Variants in PRKN observed in about 807,000 individuals in gnomAD.
The protein encoded by PRKN is E3 ubiquitin-protein ligase parkin.
In PRKN, 56 loss-of-function variants were observed where a neutral mutation model predicts 59.5. The ratio of observed to expected loss-of-function variants is 0.94; its 90% CI spans 0.76 to 1.18. PRKN has a LOEUF of 1.18. Ranked by LOEUF, PRKN falls within the 50% of genes most tolerant of loss-of-function variation. PRKN has a pLI of 0.00. For missense variants in PRKN, 657 were observed against 596.4 expected (o/e 1.10, Z -1.06); for synonymous variants, 250 against 222.1 (o/e 1.13, Z -1.12).
intron 4 of PRKN, among the ~76,000 whole-genome samples, chr6:162,190,374 G>GA (rs1360493846): frequency 6.6e-6 from 1 of 152,150 alleles, no homozygotes; most frequent in East Asian, 1.9e-4. Flanking sequence ...AGAGTCCAGT[G>GA]AATTTTACTC....
chr6:162,554,864 G>T (rs1402291513), intron 1 of PRKN, among the ~76,000 whole-genome samples: 1 of 152,152 alleles, frequency 6.6e-6, no homozygotes. Context: ...GTGATTGTGG[G>T]AAAAATTCCA....
intron 9 of PRKN, among the ~76,000 whole-genome samples, chr6:161,493,982 G>A (rs1777651648): frequency 6.6e-6 from 1 of 152,170 alleles, no homozygotes; most frequent in African/African-American, 2.4e-5. Context: ...GCCGTTTCCA[G>A]CAATGTTAAC....
At chr6:162,620,661 A>T (rs1426603940) in intron 1 of PRKN, among the ~76,000 whole-genome samples, 1 of 152,136 alleles carries the variant, frequency 6.6e-6, no homozygotes, top group South Asian at 2.1e-4. Context: ...CTTCTCCTGT[A>T]TATCATCCTT....
chr6:162,337,209 T>G (rs997394618), intron 2 of PRKN, among the ~76,000 whole-genome samples: 1 of 152,214 alleles, frequency 6.6e-6, no homozygotes, highest in Non-Finnish European at 1.5e-5. Flanking sequence ...TGAATCTGCC[T>G]AATTAAGCAA....
chr6:162,470,457 A>G (rs1404394682), intron 1 of PRKN, among the ~76,000 whole-genome samples: 1 of 152,056 alleles, frequency 6.6e-6, no homozygotes, highest in African/African-American at 2.4e-5. Context: ...TACAACAATT[A>G]GCCAGGCGTG....
At chr6:161,998,158 C>T (rs928889584) in intron 5 of PRKN, among the ~76,000 whole-genome samples, 1 of 152,014 alleles carries the variant, frequency 6.6e-6, no homozygotes, top group Non-Finnish European at 1.5e-5. Context: ...GATTTCCCAT[C>T]TAAGATTTAG....
chr6:161,497,943 T>C lies in PRKN; in HGVS notation c.1083+50911A>G, dbSNP rs1417355692. 2.0e-5 allele frequency among the ~76,000 whole-genome samples: 3 copies of C among 152,236 alleles called. No individual in the cohort carries two copies. Among genetic ancestry groups the C allele is most frequent in the African/African-American group, 7.2e-5 (3 of 41,462 alleles). ...AATATATTTAGTTCAAATTGCATGA[T>C]GGTAATTATGCTTCTAAATCTGATC... On this transcript the variant is annotated intron_variant, in intron 9 of 11. Transcript: ENST00000366898. The surrounding 1 kb of genome is among the most constrained non-coding windows in gnomAD (Gnocchi z 4.6).
intron 6 of PRKN, among the ~76,000 whole-genome samples, chr6:161,875,053 TAA>T (rs1434312750): frequency 8.4e-6 from 1 of 119,218 alleles, no homozygotes; most frequent in Non-Finnish European, 1.6e-5. Flanking sequence ...ATATTATATA[TAA>T]AGTATATACA....
At chr6:161,866,803 T>A (rs1794129274) in intron 6 of PRKN, among the ~76,000 whole-genome samples, 1 of 151,990 alleles carries the variant, frequency 6.6e-6, no homozygotes, top group African/African-American at 2.4e-5. Context: ...TGTGGGAGGA[T>A]GTGGGGTAAG....
chr6:162,323,301 T>A (rs1783112095), intron 2 of PRKN, among the ~76,000 whole-genome samples: 1 of 114,782 alleles, frequency 8.7e-6, no homozygotes, highest in South Asian at 2.9e-4. Context: ...AAAAACCACT[T>A]ATAGAAAAAA....
At chr6:162,442,773 C>T (rs1051552479) in intron 2 of PRKN, among the ~76,000 whole-genome samples, 5 of 152,130 alleles carry the variant, frequency 3.3e-5, no homozygotes, top group Admixed American at 2.0e-4. Flanking sequence ...CCATCAGCTG[C>T]AGAACTGTGC....
chr6:162,134,348 A>G (rs985346547), intron 4 of PRKN, among the ~76,000 whole-genome samples: 1 of 152,156 alleles, frequency 6.6e-6, no homozygotes, highest in African/African-American at 2.4e-5. Flanking sequence ...AAATCTCCAA[A>G]TCTCTTATTA....
At position 161,461,486 on chromosome 6, in the gene PRKN, A is replaced by C. The variant is rs1282593135; in HGVS notation, c.1084-74609T>G. 6.6e-6 allele frequency among the ~76,000 whole-genome samples: 1 copy of C among 152,194 alleles called. No homozygotes were observed. The highest frequency in any genetic ancestry group is 2.4e-5 in the African/African-American group (1 of 41,458). ...TTACTAGGGGGAATACACTCAAGGC[A>C]GGAAGAGTGTAGGTTGTTCCAGTAG... is the stretch of plus-strand genomic sequence containing the variant. On this transcript the variant is annotated intron_variant, in intron 9 of 11. Transcript: ENST00000366898. This position sits in a 1 kb window ranked among gnomAD's most constrained non-coding sequence, Gnocchi z 5.1.
intron 8 of PRKN, among the ~76,000 whole-genome samples, chr6:161,553,214 G>C (rs767541758): frequency 5.3e-5 from 8 of 151,288 alleles, no homozygotes; most frequent in Non-Finnish European, 1.0e-4. Context: ...GTGACCTACA[G>C]AGTTTCCCAG....
At position 161,600,346 on chromosome 6, in the gene PRKN, A is replaced by G. The variant is rs149337937; in HGVS notation, c.872-30930T>C. On this transcript the variant is annotated intron_variant, in intron 7 of 11. Transcript: ENST00000366898. ...CATTCATCTGGGTGGACTTCTTCCA[A>G]CTGCATCCTCCTGTTCAAATCCATG... 4.7e-3 allele frequency among the ~76,000 whole-genome samples: 711 copies of G among 152,216 alleles called. 4 individuals carry two copies. Among genetic ancestry groups the G allele is most frequent in the Middle Eastern group, 0.02 (6 of 294 alleles).
chr6:162,173,534 CT>C (rs5741635), intron 4 of PRKN, among the ~76,000 whole-genome samples: 13,338 of 146,400 alleles, frequency 0.091, 1,550 homozygotes, highest in African/African-American at 0.27. Flanking sequence ...TTTGATGCAG[CT>C]TTTTTTTTTT....
At chr6:162,422,195 T>C (rs952178027) in intron 2 of PRKN, among the ~76,000 whole-genome samples, 8 of 152,242 alleles carry the variant, frequency 5.3e-5, no homozygotes, top group Non-Finnish European at 1.0e-4. Flanking sequence ...TGTTTTCATA[T>C]TTTCTGAGTT....
At position 161,458,374 on chromosome 6, in the gene PRKN, A is replaced by G. The variant is rs558874120; in HGVS notation, c.1084-71497T>C. On this transcript the variant is annotated intron_variant, in intron 9 of 11. Coordinates refer to ENST00000366898, the MANE Select transcript of PRKN (RefSeq NM_004562.3). This position sits in a 1 kb window ranked among gnomAD's most constrained non-coding sequence, Gnocchi z 6.1. ...TCTCGGGTGCCTGGTGTGATCGACCATAAGTGCAGCTGATGCAAACCTGGA... is the reference window on the plus strand; with the variant it reads ...TCTCGGGTGCCTGGTGTGATCGACCGTAAGTGCAGCTGATGCAAACCTGGA... 3.3e-5 allele frequency among the ~76,000 whole-genome samples: 5 copies of G among 152,312 alleles called. No individual in the cohort carries two copies. In the South Asian group the frequency reaches 1.0e-3, roughly 32 times the overall value.
At chr6:161,964,116 GGTAAGGT>G in intron 6 of PRKN, among the ~76,000 whole-genome samples, 1 of 152,188 alleles carries the variant, frequency 6.6e-6, no homozygotes, top group South Asian at 2.1e-4. Flanking sequence ...CAGGTTGGAG[GGTAAGGT>G]GTAATGAAAG....
Sources: allele counts gnomAD v4.1 joint callset (sites outside exome capture counted in the v4.1 genomes callset), GRCh38; gene constraint gnomAD v4.1.1; non-coding constraint Gnocchi (gnomAD v3.1); transcripts MANE v1.5; gene names NCBI Gene and HGNC (gene_info 2026-07-23, HGNC 2026-07-21).